PPARGC1A: variants seen among roughly 807,000 people sequenced by gnomAD.
PPARGC1A encodes the protein PPARG coactivator 1 alpha.
In PPARGC1A, 25 loss-of-function variants were observed where a neutral mutation model predicts 88.7. That is an observed-to-expected ratio of 0.28 (90% CI 0.21 to 0.39). PPARGC1A has a LOEUF of 0.39. Ranked by LOEUF, PPARGC1A falls within the 10% of genes least tolerant of loss-of-function variation. PPARGC1A has a pLI of 1.00. For synonymous variants in PPARGC1A, 363 were observed against 355.6 expected (o/e 1.02, Z -0.24); for missense variants, 880 against 968.7 (o/e 0.91, Z 1.22).
the PPARGC1A span, among the ~76,000 whole-genome samples, chr4:24,422,284 G>T: frequency 1.3e-5 from 2 of 152,194 alleles, no homozygotes; most frequent in Non-Finnish European, 2.9e-5. Flanking sequence ...CAAAAGAAAA[G>T]TTTGCTGATC....
At chr4:23,900,355 T>TC (rs1719185790), upstream of PPARGC1A, among the ~76,000 whole-genome samples, 1 of 152,170 alleles carries the variant, frequency 6.6e-6, no homozygotes, top group Admixed American at 6.5e-5. Context: ...GACTTTGGGG[T>TC]CAGACAATGT....
chr4:24,280,938 T>A, the PPARGC1A span, among the ~76,000 whole-genome samples: 5 of 152,226 alleles, frequency 3.3e-5, no homozygotes, highest in Non-Finnish European at 7.3e-5. Flanking sequence ...ACAAGTAATA[T>A]ACAACTGAAT....
upstream of PPARGC1A, among the ~76,000 whole-genome samples, chr4:23,892,990 C>T (rs1293637710): frequency 6.6e-6 from 1 of 152,152 alleles, no homozygotes; most frequent in Non-Finnish European, 1.5e-5. Flanking sequence ...ACACCCAAAT[C>T]AAACCCATTT....
At chr4:24,326,743 C>T in the PPARGC1A span, among the ~76,000 whole-genome samples, 3 of 152,328 alleles carry the variant, frequency 2.0e-5, no homozygotes, top group East Asian at 3.9e-4. Context: ...CCTTCCTAGG[C>T]ATGTTTAGTG....
At chr4:23,857,422 T>C (rs77097877) in intron 2 of PPARGC1A, among the ~76,000 whole-genome samples, 14,355 of 148,706 alleles carry the variant, frequency 0.097, 975 homozygotes, top group Non-Finnish European at 0.14. Context: ...ACTAAATAGA[T>C]AAATATACAT....
chr4:23,964,703 G>A, the PPARGC1A span, among the ~76,000 whole-genome samples: 5 of 152,276 alleles, frequency 3.3e-5, no homozygotes, highest in Non-Finnish European at 5.9e-5. Context: ...AATGAGAAAA[G>A]AGAAGACTGA....
chr4:24,405,795 GA>G, the PPARGC1A span, among the ~76,000 whole-genome samples: 1 of 151,990 alleles, frequency 6.6e-6, no homozygotes, highest in African/African-American at 2.4e-5. Context: ...AACTCAACTC[GA>G]ACTGCCCAGT....
chr4:24,295,027 T>A, the PPARGC1A span, among the ~76,000 whole-genome samples: 4 of 152,328 alleles, frequency 2.6e-5, no homozygotes, highest in South Asian at 8.3e-4. Context: ...CTGTGGTCAA[T>A]CACAGGCATC....
At chr4:24,033,748 T>G in the PPARGC1A span, among the ~76,000 whole-genome samples, 6 of 152,208 alleles carry the variant, frequency 3.9e-5, no homozygotes, top group Non-Finnish European at 8.8e-5. Flanking sequence ...AAGCAGTTAT[T>G]CCTGTCTCAT....
At chr4:23,964,613 C>T in the PPARGC1A span, among the ~76,000 whole-genome samples, 219 of 152,096 alleles carry the variant, frequency 1.4e-3, no homozygotes, top group African/African-American at 5.1e-3. Flanking sequence ...GAAGTTAAGC[C>T]CGGTGTTATA....
the PPARGC1A span, among the ~76,000 whole-genome samples, chr4:23,954,646 G>A: frequency 6.6e-6 from 1 of 151,988 alleles, no homozygotes; most frequent in South Asian, 2.1e-4. Context: ...CTAAGATGGA[G>A]AATAAGAATA....
At chr4:24,386,544 T>C in the PPARGC1A span, among the ~76,000 whole-genome samples, 1 of 152,152 alleles carries the variant, frequency 6.6e-6, no homozygotes, top group African/African-American at 2.4e-5. Flanking sequence ...TTCAGCAAAT[T>C]CTCAGGCTAC....
intron 2 of PPARGC1A, among the ~76,000 whole-genome samples, chr4:23,867,337 C>T (rs558385890): frequency 2.0e-5 from 3 of 152,238 alleles, no homozygotes; most frequent in East Asian, 1.9e-4. Context: ...TTGTATTATG[C>T]GCACTTAAAT....
chr4:23,800,347 A>G (rs1486833294), intron 12 of PPARGC1A, among the ~76,000 whole-genome samples: 1 of 152,134 alleles, frequency 6.6e-6, no homozygotes, highest in Non-Finnish European at 1.5e-5. Flanking sequence ...TAGATGGGGA[A>G]TGACATGCAA....
chr4:24,435,802 C>T, the PPARGC1A span, among the ~76,000 whole-genome samples: 3 of 152,094 alleles, frequency 2.0e-5, no homozygotes, highest in Non-Finnish European at 4.4e-5. Context: ...AATCACTTGC[C>T]CTAAACCACA....
chr4:24,017,324 C>T, the PPARGC1A span, among the ~76,000 whole-genome samples: 1 of 152,114 alleles, frequency 6.6e-6, no homozygotes, highest in Non-Finnish European at 1.5e-5. Flanking sequence ...AATCCTAACA[C>T]TGTATGTGAA....
At chr4:24,419,531 C>T in the PPARGC1A span, among the ~76,000 whole-genome samples, 1 of 150,698 alleles carries the variant, frequency 6.6e-6, no homozygotes, top group Non-Finnish European at 1.5e-5. Context: ...GCTGCCCTCT[C>T]CCAATTTCAG....
At chr4:24,213,215 G>A in the PPARGC1A span, among the ~76,000 whole-genome samples, 2 of 146,510 alleles carry the variant, frequency 1.4e-5, no homozygotes, top group African/African-American at 5.1e-5. Context: ...CGCCCAGGCT[G>A]GAGTGCAGTG....
At chr4:24,325,352 G>GA in the PPARGC1A span, among the ~76,000 whole-genome samples, 1 of 151,908 alleles carries the variant, frequency 6.6e-6, no homozygotes, top group Non-Finnish European at 1.5e-5. Context: ...TACAATAATA[G>GA]AAAAAAGTTG....
Sources: gnomAD v4.1 joint callset for allele counts (sites outside exome capture counted in the v4.1 genomes callset) on GRCh38, gnomAD v4.1.1 for gene constraint, MANE v1.5 for transcripts, NCBI Gene and HGNC (gene_info 2026-07-23, HGNC 2026-07-21) for gene names.